The following DCAF6 variants were observed in gnomAD, a reference collection of about 807,000 sequenced individuals.
DCAF6 encodes the protein DDB1- and CUL4-associated factor 6.
DCAF6 carries 54 observed loss-of-function variants against 125.1 expected under a neutral mutation model. The ratio of observed to expected loss-of-function variants is 0.43; its 90% CI spans 0.35 to 0.54. The LOEUF (loss-of-function observed/expected upper bound fraction) is 0.54, where lower values mean the gene tolerates loss of function less well. Among genes scored for constraint, DCAF6 ranks in the 20% least tolerant of loss-of-function variants. The pLI is 0.01. For synonymous variants in DCAF6, 371 were observed against 390.4 expected (o/e 0.95, Z 0.58); for missense variants, 934 against 1,161.7 (o/e 0.80, Z 2.85).
intron 1 of DCAF6, among the ~76,000 whole-genome samples, chr1:167,944,468 A>G (rs767287989): frequency 2.0e-5 from 3 of 152,164 alleles, no homozygotes; most frequent in Non-Finnish European, 4.4e-5. Flanking sequence ...TCACATGATA[A>G]CCAACATTGT....
In DCAF6 at chr1:168,054,819, G is replaced by GTT. The variant is rs370002372; in HGVS notation, c.2300+3900_2300+3901dup. 1.1e-3 allele frequency among the ~76,000 whole-genome samples: 159 copies of GTT among 141,042 alleles called. 2 individuals carry two copies. Among genetic ancestry groups the GTT allele is most frequent in the Admixed American group, 3.1e-3 (44 of 14,106 alleles). 92.5% of individuals were successfully genotyped at this position (141,042 alleles called of 152,430 possible). A position where few individuals can be genotyped will look rare whatever the true frequency, so the allele number is the denominator to read the frequency against. Reference sequence around the variant, plus strand: ...TAAATTAAAAGAACATACGGGTTTGGTTTTTTTTTTTTTTTGAGACGGAGT... The same window carrying GTT: ...TAAATTAAAAGAACATACGGGTTTGGTTTTTTTTTTTTTTTTTGAGACGGAGT... On this transcript the variant is annotated intron_variant, in intron 17 of 21. Transcript: ENST00000367840.
At chr1:167,988,189 T>C (rs749786136) in intron 5 of DCAF6, among the ~76,000 whole-genome samples, 16 of 152,184 alleles carry the variant, frequency 1.1e-4, no homozygotes, top group Non-Finnish European at 2.2e-4. Flanking sequence ...AGACAAGGTC[T>C]CACTGTGTCA....
chr1:168,063,813 G>T, intron 18 of DCAF6, 54 bp downstream of exon 18: 2 of 1,540,560 alleles, frequency 1.3e-6, no homozygotes, highest in Non-Finnish European at 1.7e-6. Context: ...TGCTCTGAGT[G>T]TTTTTCCATA....
Position 168,065,677 on chromosome 1 carries a change from G to A in DCAF6, c.2527G>A (p.Glu843Lys), listed in dbSNP as rs771913118. 6.2e-7 allele frequency: 1 copy of A among 1,613,314 alleles called. No individual in the cohort carries two copies. Among genetic ancestry groups the A allele is most frequent in the Middle Eastern group, 1.7e-4 (1 of 6,058 alleles). The change falls in exon 19 of 22, where the codon GAG becomes AAG. Residue 843 changes from glutamate to lysine, a missense_variant. Physicochemically the swap from Glu to Lys is moderately conservative, Grantham distance 56 (BLOSUM62 1). Coordinates refer to ENST00000367840, the MANE Select transcript of DCAF6 (RefSeq NM_001198956.2). Reference sequence around the variant, plus strand: ...TTTCATCTGGGATCGGCACACTGCTGAGCATTTGATGCTTCTGGAAGCTGA... The same window carrying A: ...TTTCATCTGGGATCGGCACACTGCTAAGCATTTGATGCTTCTGGAAGCTGA... ...HIFIWDRHTA[E>K]HLMLLEADNH...
chr1:167,896,728 G>T, the DCAF6 span: 2 of 1,405,424 alleles, frequency 1.4e-6, no homozygotes, highest in South Asian at 2.3e-5. Context: ...CAGTTATTCT[G>T]AGAACTGTTT....
rs200388847 is a variant in DCAF6 at position 168,044,901 on chromosome 1, A to T, written c.1932A>T (p.Thr644=). 4 of 1,612,510 alleles carry T rather than the reference A, an allele frequency of 2.5e-6. No homozygotes were observed. In the South Asian group the frequency reaches 3.3e-5, roughly 13 times the overall value. The change falls in exon 16 of 22, where the codon ACA becomes ACT. Residue 644 remains threonine, a splice_region_variant and synonymous_variant. Coordinates refer to ENST00000367840, the MANE Select transcript of DCAF6 (RefSeq NM_001198956.2). ...ACATACAACTTTATTTTCTGACAGC[A>T]CAATCAGATAAGTTCACAGCCAAGC... ...ENPVENHINI[T]QSDKFTAKPL... is the part of the protein sequence containing the mutation.
chr1:168,060,495 C>T (rs937972812), intron 17 of DCAF6, among the ~76,000 whole-genome samples: 1 of 152,148 alleles, frequency 6.6e-6, no homozygotes, highest in Non-Finnish European at 1.5e-5. Flanking sequence ...CTAGAGCATA[C>T]TTTTTAAATG....
chr1:168,049,081 A>G (rs895878395), intron 16 of DCAF6, among the ~76,000 whole-genome samples: 11 of 152,248 alleles, frequency 7.2e-5, no homozygotes, highest in African/African-American at 2.7e-4. Context: ...TGGGAAATAA[A>G]TTGAAAAAAG....
intron 2 of DCAF6, among the ~76,000 whole-genome samples, chr1:167,962,905 G>A (rs1183245341): frequency 6.6e-6 from 1 of 152,022 alleles, no homozygotes; most frequent in Non-Finnish European, 1.5e-5. Flanking sequence ...GTAGTAAGCG[G>A]AGATAGCACC....
chr1:167,875,018 T>G, the DCAF6 span: 3 of 921,786 alleles, frequency 3.3e-6, no homozygotes, highest in Non-Finnish European at 5.3e-6. Context: ...GGATGATGAT[T>G]ATATTTTCAT....
At chr1:168,049,152 T>A (rs1282370978) in intron 16 of DCAF6, among the ~76,000 whole-genome samples, 2 of 152,236 alleles carry the variant, frequency 1.3e-5, no homozygotes, top group Non-Finnish European at 2.9e-5. Flanking sequence ...AGTCCTAATG[T>A]CAAAAATAAG....
At chr1:167,937,033 G>T (rs575553925) in intron 1 of DCAF6, 25 bp downstream of exon 1, 1 of 1,586,774 alleles carries the variant, frequency 6.3e-7, no homozygotes, top group Non-Finnish European at 8.6e-7. Context: ...CGGGGCGGAG[G>T]CGCTGAGGTC....
Position 168,042,987 on chromosome 1 carries a change from A to G in DCAF6, c.1728-38A>G, listed in dbSNP as rs568171980. ...AAATCCTAAAAGATCATATTGATTA[A>G]CTTCTTGGTGGAATCACTTATCTTG... On this transcript the variant is annotated intron_variant, in intron 13 of 21. Transcript: ENST00000367840. 4.4e-5 allele frequency: 64 copies of G among 1,459,184 alleles called. No homozygotes were observed. In the South Asian group the frequency reaches 7.2e-4, roughly 17 times the overall value. 90.4% of individuals were successfully genotyped at this position (1,459,184 alleles called of 1,614,324 possible). A position where few individuals can be genotyped will look rare whatever the true frequency, so the allele number is the denominator to read the frequency against.
chr1:167,892,370 C>A, the DCAF6 span, among the ~76,000 whole-genome samples: 1 of 152,162 alleles, frequency 6.6e-6, no homozygotes, highest in Non-Finnish European at 1.5e-5. Context: ...TTAAGGACTT[C>A]TCTTCTTTGG....
At chr1:168,068,689 G>A (rs990801486) in intron 21 of DCAF6, among the ~76,000 whole-genome samples, 3 of 152,034 alleles carry the variant, frequency 2.0e-5, no homozygotes, top group Non-Finnish European at 4.4e-5. Flanking sequence ...CCAGAGTCAC[G>A]TAAAAACTCT....
chr1:167,933,893 G>A (rs1270879186), upstream of DCAF6, among the ~76,000 whole-genome samples: 3 of 152,126 alleles, frequency 2.0e-5, no homozygotes, highest in African/African-American at 7.2e-5. Flanking sequence ...AAGTGCAAAC[G>A]CTGTGCTACA....
chr1:167,878,470 T>C, the DCAF6 span: 2 of 1,614,134 alleles, frequency 1.2e-6, no homozygotes, highest in East Asian at 2.2e-5. Context: ...GCCCCAATAC[T>C]GATACAATGG....
rs397981860 is a variant in DCAF6 at position 167,976,886 on chromosome 1, G to GTTTTTTTTT, written c.438+1897_438+1905dup. Reference sequence around the variant, plus strand: ...TGTACTGAAGGTACATCCTTTAGCAGTTTTTTTTTTTTTTTTTTTTTTTTT... The same window carrying GTTTTTTTTT: ...TGTACTGAAGGTACATCCTTTAGCAGTTTTTTTTTTTTTTTTTTTTTTTTTTTTTTTTTT... On this transcript the variant is annotated intron_variant, in intron 4 of 21. Coordinates refer to ENST00000367840, the MANE Select transcript of DCAF6 (RefSeq NM_001198956.2). Among the ~76,000 whole-genome samples, 23 of 38,064 alleles carry GTTTTTTTTT rather than the reference G, an allele frequency of 6.0e-4. 4 individuals are homozygous for GTTTTTTTTT. Among genetic ancestry groups the GTTTTTTTTT allele is most frequent in the East Asian group, 9.8e-4 (1 of 1,022 alleles). 25.0% of individuals were successfully genotyped at this position (38,064 alleles called of 152,430 possible). A position where few individuals can be genotyped will look rare whatever the true frequency, so the allele number is the denominator to read the frequency against.
intron 1 of DCAF6, among the ~76,000 whole-genome samples, chr1:167,943,609 T>C (rs1373069377): frequency 6.6e-6 from 1 of 152,222 alleles, no homozygotes; most frequent in Non-Finnish European, 1.5e-5. Context: ...GCTTTTAAGG[T>C]ATCCATCACC....
Sources: gnomAD v4.1 joint callset for allele counts (sites outside exome capture counted in the v4.1 genomes callset) on GRCh38, gnomAD v4.1.1 for gene constraint, MANE v1.5 for transcripts, NCBI Gene and HGNC (gene_info 2026-07-23, HGNC 2026-07-21) for gene names.